The following GALC variants were observed in gnomAD, a reference collection of about 807,000 sequenced individuals.
GALC encodes the protein galactosylceramidase.
Under a neutral mutation model 91.8 loss-of-function variants are expected in GALC, and 77 were observed. The ratio of observed to expected loss-of-function variants is 0.84; its 90% CI spans 0.70 to 1.01. GALC has a LOEUF of 1.01. Among genes scored for constraint, GALC ranks in the 50% least tolerant of loss-of-function variants. GALC has a pLI of 0.00. For missense variants in GALC, 882 were observed against 855.9 expected (o/e 1.03, Z -0.38); for synonymous variants, 357 against 306.7 (o/e 1.16, Z -1.71).
chr14:87,966,109 A>G (rs1187610509), intron 8 of GALC, among the ~76,000 whole-genome samples: 1 of 152,210 alleles, frequency 6.6e-6, no homozygotes, highest in African/African-American at 2.4e-5. Flanking sequence ...CTGGGTTTAA[A>G]CCATGGTTTC....
At chr14:87,990,030 T>A (rs751349070) in intron 1 of GALC, among the ~76,000 whole-genome samples, 2 of 152,118 alleles carry the variant, frequency 1.3e-5, no homozygotes, top group African/African-American at 4.8e-5. Context: ...CAGCTCAAAT[T>A]CCACCTCTGG....
intron 6 of GALC, chr14:87,976,691 T>A (rs1348123708): frequency 2.9e-5 from 14 of 476,854 alleles, no homozygotes; most frequent in Non-Finnish European, 5.4e-5. Flanking sequence ...CTCAGCTCAC[T>A]GCAACCTCTG....
At chr14:87,980,244 G>A (rs966413113) in intron 6 of GALC, among the ~76,000 whole-genome samples, 2 of 152,052 alleles carry the variant, frequency 1.3e-5, no homozygotes, top group Non-Finnish European at 2.9e-5. Context: ...TTAGCCGGGC[G>A]TGGTGGTGGG....
chr14:87,943,389 A>C (rs1884936065), intron 14 of GALC, among the ~76,000 whole-genome samples: 1 of 152,054 alleles, frequency 6.6e-6, no homozygotes, highest in Admixed American at 6.6e-5. Context: ...TAAGAGAGGA[A>C]GTTCTACTCA....
At chr14:87,988,621 G>C in intron 1 of GALC, 98 bp from the exon 2 acceptor site, 5 of 911,100 alleles carry the variant, frequency 5.5e-6, no homozygotes, top group Non-Finnish European at 5.5e-6. Flanking sequence ...CACATATTTA[G>C]CCTCAGGCAA....
chr14:87,982,294 G>A (rs760424727), intron 5 of GALC, 51 bp from the exon 6 acceptor site: 16 of 1,239,596 alleles, frequency 1.3e-5, no homozygotes, highest in Non-Finnish European at 1.9e-5. Context: ...CAAAATGTCA[G>A]AAAGCAGATT....
chr14:87,936,063 T>C (rs1884554103), intron 16 of GALC, among the ~76,000 whole-genome samples: 1 of 151,910 alleles, frequency 6.6e-6, no homozygotes, highest in African/African-American at 2.4e-5. Context: ...GGACCTTATC[T>C]CTCCTGACTC....
intron 10 of GALC, chr14:87,953,280 T>C: frequency 6.7e-7 from 1 of 1,490,242 alleles, no homozygotes; most frequent in South Asian, 1.1e-5. Context: ...AAGGGCGGAG[T>C]CCTATAAATA....
At chr14:87,954,378 A>C (rs1468897190) in intron 10 of GALC, 6 of 1,601,448 alleles carry the variant, frequency 3.7e-6, no homozygotes, top group Non-Finnish European at 4.3e-6. Flanking sequence ...GAACAGGCCC[A>C]AGATCAACAT....
intron 10 of GALC, chr14:87,952,553 A>C (rs1566978794): frequency 1.1e-5 from 10 of 917,742 alleles, no homozygotes; most frequent in Middle Eastern, 3.4e-4. Flanking sequence ...AAATGACAGT[A>C]TCACAACACA....
At chr14:87,987,364 T>C (rs925307058) in intron 3 of GALC, among the ~76,000 whole-genome samples, 2 of 152,240 alleles carry the variant, frequency 1.3e-5, no homozygotes, top group East Asian at 1.9e-4. Flanking sequence ...TAGTCCATCA[T>C]TGTCAATTCT....
chr14:87,965,738 A>C, intron 8 of GALC, 109 bp from the exon 9 acceptor site: 1 of 1,067,060 alleles, frequency 9.4e-7, no homozygotes, highest in Non-Finnish European at 1.4e-6. Context: ...ATCTACATAA[A>C]TGACAATAAA....
Position 87,934,052 on chromosome 14 carries a change from T to C in GALC, c.*680A>G. On this transcript the variant is annotated 3_prime_UTR_variant, in exon 17 of 17. Transcript: ENST00000261304. ...GTGGTTACAAGACCAAAACTTGGAA[T>C]CAAAAAAATTAAATAATGCAAATAA... The C allele has an allele frequency of 6.5e-7, 1 of 1,532,496 alleles. No individual in the cohort carries two copies. Among genetic ancestry groups the C allele is most frequent in the East Asian group, 2.4e-5 (1 of 41,012 alleles). The allele number at this position is 1,532,496 out of a possible 1,614,324, so 94.9% of individuals were successfully genotyped here. A position where few individuals can be genotyped will look rare whatever the true frequency, so the allele number is the denominator to read the frequency against.
chr14:87,984,579 G>T, intron 4 of GALC, 46 bp from the exon 5 acceptor site: 1 of 1,609,412 alleles, frequency 6.2e-7, no homozygotes, highest in Non-Finnish European at 8.5e-7. Context: ...GTATAACGGT[G>T]CTGGCGCTAT....
At chr14:87,992,341 G>A (rs1887234302) in intron 1 of GALC, 2 of 1,535,696 alleles carry the variant, frequency 1.3e-6, no homozygotes, top group Non-Finnish European at 8.7e-7. Context: ...GGGCCCAGAG[G>A]GAGTACCCGG....
intron 10 of GALC, among the ~76,000 whole-genome samples, chr14:87,960,577 T>C (rs1885759718): frequency 6.6e-6 from 1 of 152,194 alleles, no homozygotes. Context: ...CTTCAAAATT[T>C]ATCAGACAGC....
rs762427732 is a variant in GALC, at chr14:87,986,625, G to T, written c.329-23C>A. On this transcript the variant is annotated intron_variant, in intron 3 of 16. Coordinates refer to ENST00000261304, the MANE Select transcript of GALC (RefSeq NM_000153.4). ...CGTCTGAATAGAGGAGAGCAAAAAC[G>T]GAAGTAATGATCCATGAATGGTACT... 7.6e-6 allele frequency: 11 copies of T among 1,455,820 alleles called. No homozygotes were observed. In the South Asian group the frequency reaches 1.3e-4, roughly 17 times the overall value. The allele number at this position is 1,455,820 out of a possible 1,614,324, so 90.2% of individuals were successfully genotyped here. A position where few individuals can be genotyped will look rare whatever the true frequency, so the allele number is the denominator to read the frequency against.
At chr14:87,951,167 T>G (rs1885292637) in intron 10 of GALC, among the ~76,000 whole-genome samples, 1 of 151,742 alleles carries the variant, frequency 6.6e-6, no homozygotes, top group Non-Finnish European at 1.5e-5. Context: ...TATGTATGGG[T>G]GTGTGTATAT....
chr14:87,940,913 G>C (rs1330330152), intron 15 of GALC, among the ~76,000 whole-genome samples: 1 of 151,774 alleles, frequency 6.6e-6, no homozygotes, highest in Non-Finnish European at 1.5e-5. Flanking sequence ...TAACACAAGG[G>C]CTGTAAAGAT....
Sources: gnomAD v4.1 joint callset for allele counts (sites outside exome capture counted in the v4.1 genomes callset) on GRCh38, gnomAD v4.1.1 for gene constraint, MANE v1.5 for transcripts, NCBI Gene and HGNC (gene_info 2026-07-23, HGNC 2026-07-21) for gene names.